Variants in SDR16C5 observed in about 807,000 individuals in gnomAD.
SDR16C5 encodes the protein short chain dehydrogenase/reductase family 16C member 5.
Under a neutral mutation model 27.7 loss-of-function variants are expected in SDR16C5, and 20 were observed. That is an observed-to-expected ratio of 0.72 (90% confidence interval 0.51 to 1.05). The LOEUF is 1.05. Among genes scored for constraint, SDR16C5 ranks in the 50% least tolerant of loss-of-function variants. The pLI is 0.00. For missense variants in SDR16C5, 374 were observed against 366.3 expected, an observed-to-expected ratio of 1.02 and a Z score of -0.17; for synonymous variants, 139 against 132.3, an observed-to-expected ratio of 1.05 and a Z score of -0.35.
intron 3 of SDR16C5, chr8:56,309,271 C>T: frequency 1.0e-6 from 1 of 965,856 alleles, no homozygotes; most frequent in Non-Finnish European, 1.2e-6. Flanking sequence ...TGTTTTTGCT[C>T]ATATTTGACT....
At chr8:56,309,676 G>T in intron 3 of SDR16C5, 1 of 720,404 alleles carries the variant, frequency 1.4e-6, no homozygotes, top group Non-Finnish European at 1.7e-6. Flanking sequence ...AAGACAAGGA[G>T]GTGAGAAAAG....
intron 4 of SDR16C5, 83 bp from the exon 5 acceptor site, chr8:56,306,903 G>T (rs1324500325): frequency 3.3e-6 from 4 of 1,199,192 alleles, no homozygotes; most frequent in Non-Finnish European, 4.6e-6. Flanking sequence ...CGCTAACAGC[G>T]ACAGAAAATA....
rs1289805182 is a variant in SDR16C5 at position 56,300,676 on chromosome 8, C to CT, written c.*803dup. 2 of 152,192 alleles carry CT rather than the reference C, an allele frequency of 1.3e-5. No individual in the cohort carries two copies. Among genetic ancestry groups the CT allele is most frequent in the Non-Finnish European group, 2.9e-5 (2 of 68,038 alleles). The allele number at this position is 152,192 out of a possible 1,614,324, so 9.4% of individuals were successfully genotyped here. A position where few individuals can be genotyped will look rare whatever the true frequency, so the allele number is the denominator to read the frequency against. On this transcript the variant is annotated 3_prime_UTR_variant, in exon 7 of 7. Transcript: ENST00000303749. ...TTGAAATACTAAGTTGAACACTTAA[C>CT]TTTAATTGCACGAATATATTTTTTG...
Position 56,301,488 on chromosome 8 carries a change from T to G in SDR16C5, c.922A>C (p.Lys308Gln), listed in dbSNP as rs778049196. 1.1e-5 allele frequency: 18 copies of G among 1,613,152 alleles called. No homozygotes were observed. The highest frequency in any genetic ancestry group is 1.5e-5 in the Non-Finnish European group (18 of 1,179,072). The change falls in exon 7 of 7, where the codon AAG becomes CAG. Residue 308 changes from lysine (K) to glutamine (Q), a missense_variant. Transcript: ENST00000303749. Reference sequence around the variant, plus strand: ...AGCCATAGAGTTGGTCTTTAGAGCTTCTTCTTTTGGTCAACAAAGCCATCC... The same window carrying G: ...AGCCATAGAGTTGGTCTTTAGAGCTGCTTCTTTTGGTCAACAAAGCCATCC... ...AMDGFVDQKK[K>Q]L
In SDR16C5 at chr8:56,300,348, CT is replaced by C. The variant is rs1235302388; in HGVS notation, c.*1131del. On this transcript the variant is annotated 3_prime_UTR_variant, in exon 7 of 7. Transcript: ENST00000303749. The stretch of plus-strand genomic sequence containing the variant: ...ATAGTCAAATTCTCAATTCTTTAGA[CT>C]TTTACCGGGTCTCCCAAGGTACCGC... 1 of 152,084 alleles carries C rather than the reference CT, an allele frequency of 6.6e-6. No homozygotes were observed. Among genetic ancestry groups the C allele is most frequent in the Non-Finnish European group, 1.5e-5 (1 of 68,028 alleles). 9.4% of individuals were successfully genotyped at this position (152,084 alleles called of 1,614,324 possible). A position where few individuals can be genotyped will look rare whatever the true frequency, so the allele number is the denominator to read the frequency against.
intron 1 of SDR16C5, among the ~76,000 whole-genome samples, chr8:56,317,582 G>GA (rs1815233183): frequency 6.6e-6 from 1 of 152,060 alleles, no homozygotes; most frequent in Non-Finnish European, 1.5e-5. Flanking sequence ...GGGGAGTAAT[G>GA]AAAAAAGAGC....
chr8:56,316,645 C>T (rs1815206556), intron 1 of SDR16C5, among the ~76,000 whole-genome samples: 1 of 152,228 alleles, frequency 6.6e-6, no homozygotes, highest in South Asian at 2.1e-4. Flanking sequence ...GTAACCACCA[C>T]ACCCAAATTT....
chr8:56,306,655 G>A lies in SDR16C5; in HGVS notation c.710+21C>T, dbSNP rs781590225. 6 of 1,550,786 alleles carry A rather than the reference G, an allele frequency of 3.9e-6. No homozygotes were observed. In the South Asian group the frequency reaches 7.4e-5, roughly 19 times the overall value. On this transcript the variant is annotated intron_variant, in intron 5 of 6. Coordinates refer to ENST00000303749, the MANE Select transcript of SDR16C5 (RefSeq NM_138969.4). Reference sequence around the variant, plus strand: ...ACATTTTTAAGAGTGTAGATTCTTTGAAATTAAAGGACATACTTACCCTGT... The same window carrying A: ...ACATTTTTAAGAGTGTAGATTCTTTAAAATTAAAGGACATACTTACCCTGT...
At chr8:56,308,783 G>C (rs905181007) in intron 4 of SDR16C5, 145 bp downstream of exon 4, 1 of 554,752 alleles carries the variant, frequency 1.8e-6, no homozygotes, top group Admixed American at 3.6e-5. Context: ...GCTACACGAT[G>C]AAGTTATCAA....
rs1377293882 is a variant in SDR16C5, at chr8:56,301,365, A to G, written c.*115T>C. On this transcript the variant is annotated 3_prime_UTR_variant, in exon 7 of 7. Coordinates refer to ENST00000303749, the MANE Select transcript of SDR16C5 (RefSeq NM_138969.4). ...ATTCTAGTCCAGATAACAGAATAGG[A>G]GTGGTACTTGTGGTCTCCAGATATA... is the stretch of plus-strand genomic sequence containing the variant. 1 of 695,002 alleles carries G rather than the reference A, an allele frequency of 1.4e-6. No individual in the cohort carries two copies. Among genetic ancestry groups the G allele is most frequent in the African/African-American group, 1.7e-5 (1 of 57,200 alleles). 43.1% of individuals were successfully genotyped at this position (695,002 alleles called of 1,614,324 possible).
intron 3 of SDR16C5, among the ~76,000 whole-genome samples, chr8:56,310,495 G>A (rs187871726): frequency 5.0e-4 from 76 of 151,830 alleles, no homozygotes; most frequent in Admixed American, 9.8e-4. Flanking sequence ...TGAGGCGGGC[G>A]GATCACAAGG....
chr8:56,306,422 C>T (rs747032231), intron 5 of SDR16C5, among the ~76,000 whole-genome samples: 16 of 152,110 alleles, frequency 1.1e-4, no homozygotes, highest in Non-Finnish European at 1.9e-4. Context: ...GGATGTGGCC[C>T]TGAGAGTCTG....
At chr8:56,315,000 T>C (rs1282567324) in intron 2 of SDR16C5, among the ~76,000 whole-genome samples, 1 of 152,100 alleles carries the variant, frequency 6.6e-6, no homozygotes, top group Non-Finnish European at 1.5e-5. Flanking sequence ...ATCCCAGCAC[T>C]TTGGGAGGCC....
chr8:56,306,737 T>G lies in SDR16C5; in HGVS notation c.649A>C (p.Lys217Gln). ...AAAAAGGGGCACACAATCGTGGTTT[T>G]GATCCCCTTTTGTTTTTGGACAAAT... Reference protein sequence around the residue: ...ETFVQKQKGIKTTIVCPFFIK... With the variant: ...ETFVQKQKGIQTTIVCPFFIK... The change falls in exon 5 of 7, where the codon AAA (lysine) becomes CAA (glutamine). Residue 217 changes from lysine to glutamine, a missense_variant. Transcript: ENST00000303749. The G allele has an allele frequency of 6.2e-7, 1 of 1,614,016 alleles. No individual in the cohort carries two copies. The highest frequency in any genetic ancestry group is 8.5e-7 in the Non-Finnish European group (1 of 1,179,978).
chr8:56,302,622 A>C (rs1814786036), intron 6 of SDR16C5, among the ~76,000 whole-genome samples: 1 of 150,868 alleles, frequency 6.6e-6, no homozygotes, highest in Admixed American at 6.6e-5. Context: ...GCAGTGAGGC[A>C]TGATTGCACC....
Position 56,308,937 on chromosome 8 carries a change from C to A in SDR16C5, c.556G>T (p.Gly186Trp). 1 of 1,608,868 alleles carries A rather than the reference C, an allele frequency of 6.2e-7. No individual in the cohort carries two copies. The highest frequency in any genetic ancestry group is 8.5e-7 in the Non-Finnish European group (1 of 1,177,928). Residue 186 changes from glycine to tryptophan, a missense_variant, in exon 4 of 7, where the codon GGG becomes TGG. Gly to Trp is a radical substitution (Grantham distance 184). Transcript: ENST00000303749. ...SSSAGLSGVN[G>W]LADYCASKFA... is the part of the protein sequence containing the mutation. ...GCTATGTTTTTCTTACCTGCCAGCC[C>A]ATTTACTCCACTTAATCCAGCTGAA...
chr8:56,301,597 T>G, intron 6 of SDR16C5, 24 bp from the exon 7 acceptor site: 1 of 1,539,832 alleles, frequency 6.5e-7, no homozygotes, highest in East Asian at 2.2e-5. Context: ...AAGAATAAAC[T>G]TTCTTTATTA....
chr8:56,304,108 A>G (rs1345448206), intron 6 of SDR16C5: 2 of 702,020 alleles, frequency 2.8e-6, no homozygotes, highest in African/African-American at 3.5e-5. Flanking sequence ...AGTATGCAAG[A>G]ATGACATTTG....
chr8:56,301,529 C>A lies in SDR16C5; in HGVS notation c.881G>T (p.Gly294Val), dbSNP rs905305989. 1.9e-6 allele frequency: 3 copies of A among 1,613,960 alleles called. No homozygotes were observed. The highest frequency in any genetic ancestry group is 2.5e-6 in the Non-Finnish European group (3 of 1,179,972). The change falls in exon 7 of 7, where the codon GGC becomes GTC. Residue 294 changes from glycine to valine, a missense_variant. Gly to Val is a moderately radical substitution (Grantham distance 109, BLOSUM62 -3). Transcript: ENST00000303749. ...AAAGCCATCCATTGCATGAAGGATGCCCAAATAGTCAGCTATAAGCAGTCC... is the reference window on the plus strand; with the variant it reads ...AAAGCCATCCATTGCATGAAGGATGACCAAATAGTCAGCTATAAGCAGTCC... ...KTGLLIADYL[G>V]ILHAMDGFVD...
Sources: gnomAD v4.1 joint callset for allele counts (sites outside exome capture counted in the v4.1 genomes callset) on GRCh38, gnomAD v4.1.1 for gene constraint, MANE v1.5 for transcripts, NCBI Gene and HGNC (gene_info 2026-07-23, HGNC 2026-07-21) for gene names.